ADGRL3: variants seen among roughly 807,000 people sequenced by gnomAD.
ADGRL3 encodes adhesion G protein-coupled receptor L3.
Under a neutral mutation model 153.5 loss-of-function variants are expected in ADGRL3, and 62 were observed. The observed-to-expected ratio is 0.40, with a 90% confidence interval of 0.33 to 0.50. The LOEUF (loss-of-function observed/expected upper bound fraction) is 0.50, where lower values mean the gene tolerates loss of function less well. ADGRL3 is among the 20% of genes least tolerant of loss of function. The pLI is 0.47. For missense variants in ADGRL3, 1,641 were observed against 1,859.4 expected (o/e 0.88, Z 2.16); for synonymous variants, 710 against 672.5 (o/e 1.06, Z -0.86).
At chr4:61,375,927 G>GT (rs1240020620) in intron 1 of ADGRL3, among the ~76,000 whole-genome samples, 3 of 151,960 alleles carry the variant, frequency 2.0e-5, no homozygotes, top group Non-Finnish European at 2.9e-5. Flanking sequence ...GAGAACACAT[G>GT]TTTTCTTTCC....
chr4:61,583,907 C>T (rs2098936015), intron 4 of ADGRL3, among the ~76,000 whole-genome samples: 1 of 151,978 alleles, frequency 6.6e-6, no homozygotes, highest in South Asian at 2.1e-4. Context: ...TTATGAGTCA[C>T]TCCACAATGC....
intron 1 of ADGRL3, among the ~76,000 whole-genome samples, chr4:61,210,860 C>T (rs370632149): frequency 2.6e-5 from 4 of 152,038 alleles, no homozygotes; most frequent in African/African-American, 7.2e-5. Context: ...TTTATATTGG[C>T]TTTAAATGTT....
chr4:61,443,373 G>A (rs2097547468), intron 2 of ADGRL3, among the ~76,000 whole-genome samples: 1 of 151,760 alleles, frequency 6.6e-6, no homozygotes, highest in Non-Finnish European at 1.5e-5. Flanking sequence ...GTCAATTAGA[G>A]GCATGTTCTT....
At chr4:62,020,311 T>C (rs1490943629) in intron 21 of ADGRL3, among the ~76,000 whole-genome samples, 1 of 152,082 alleles carries the variant, frequency 6.6e-6, no homozygotes, top group Non-Finnish European at 1.5e-5. Flanking sequence ...AAAAAAGAAA[T>C]CCTGAGAGTA....
At chr4:62,066,841 T>C (rs753254004) in intron 25 of ADGRL3, among the ~76,000 whole-genome samples, 6 of 152,046 alleles carry the variant, frequency 3.9e-5, no homozygotes, top group African/African-American at 7.2e-5. Flanking sequence ...GCAGACAGAA[T>C]TGGAAGAAGT....
chr4:61,683,475 C>A (rs1311074275), intron 6 of ADGRL3, among the ~76,000 whole-genome samples: 1 of 152,004 alleles, frequency 6.6e-6, no homozygotes, highest in Non-Finnish European at 1.5e-5. Context: ...GTTCCCGTAC[C>A]TGAAGATGAG....
rs76893645 is a variant in ADGRL3, at chr4:61,710,952, C to A, written c.584-19670C>A. On this transcript the variant is annotated intron_variant, in intron 6 of 26. Coordinates refer to ENST00000683033, the MANE Select transcript of ADGRL3 (RefSeq NM_001387552.1). The stretch of plus-strand genomic sequence containing the variant: ...TACTAACTTAATTTAACATTCCATC[C>A]AGCAGACATTATAGTTCTCAGCTGT... Among the ~76,000 whole-genome samples, 28 of 152,208 alleles carry A rather than the reference C, an allele frequency of 1.8e-4. No homozygotes were observed. In the East Asian group the frequency reaches 4.8e-3, roughly 26 times the overall value.
At chr4:61,723,127 C>A (rs1305329466) in intron 6 of ADGRL3, among the ~76,000 whole-genome samples, 1 of 152,066 alleles carries the variant, frequency 6.6e-6, no homozygotes, top group African/African-American at 2.4e-5. Context: ...CTTTCTCTGT[C>A]ATTCACTTCT....
chr4:61,675,665 T>TTATTTATTTATG (rs2095164848), intron 5 of ADGRL3, among the ~76,000 whole-genome samples: 1 of 150,760 alleles, frequency 6.6e-6, no homozygotes, highest in Non-Finnish European at 1.5e-5. Context: ...ATTTATTTAT[T>TTATTTATTTATG]TATTTATTTT....
chr4:61,701,417 C>T (rs1218521552), intron 6 of ADGRL3, among the ~76,000 whole-genome samples: 3 of 144,952 alleles, frequency 2.1e-5, no homozygotes, highest in Non-Finnish European at 4.5e-5. Context: ...ATCAGAAGCA[C>T]ATTAAAGGTA....
At chr4:61,684,622 G>C (rs926555445) in intron 6 of ADGRL3, among the ~76,000 whole-genome samples, 5 of 152,058 alleles carry the variant, frequency 3.3e-5, no homozygotes, top group Admixed American at 2.0e-4. Flanking sequence ...AGCCTGCCGA[G>C]GGGTTCCCTA....
In ADGRL3 at chr4:61,421,548, T is replaced by C. The variant is rs1018924640; in HGVS notation, c.-174+38359T>C. Among the ~76,000 whole-genome samples the C allele has an allele frequency of 1.3e-4, 20 of 152,208 alleles. 1 individual carries two copies. Among genetic ancestry groups the C allele is most frequent in the Admixed American group, 1.2e-3 (19 of 15,284 alleles). On this transcript the variant is annotated intron_variant, in intron 2 of 26. Transcript: ENST00000683033. The stretch of plus-strand genomic sequence containing the variant: ...ATTTATTTGGCCTGCTTATTTTTCT[T>C]ACATTTTATACAGAGAAATCAGGAA...
chr4:61,695,243 T>C (rs560666230), intron 6 of ADGRL3, among the ~76,000 whole-genome samples: 1 of 152,326 alleles, frequency 6.6e-6, no homozygotes, highest in East Asian at 1.9e-4. Context: ...ATCTATAGCT[T>C]TACAAAAATG....
intron 9 of ADGRL3, among the ~76,000 whole-genome samples, chr4:61,857,037 C>CT (rs1287673392): frequency 4.8e-5 from 7 of 147,100 alleles, no homozygotes; most frequent in Non-Finnish European, 1.0e-4. Flanking sequence ...TCCTTCCTTC[C>CT]TTCCCTTTCT....
chr4:61,964,484 G>A (rs1417416030), intron 17 of ADGRL3, among the ~76,000 whole-genome samples: 1 of 152,028 alleles, frequency 6.6e-6, no homozygotes, highest in Non-Finnish European at 1.5e-5. Context: ...CCAGTGCTTT[G>A]CCTTGGGTTT....
At chr4:61,387,036 T>C (rs1191066549) in intron 2 of ADGRL3, among the ~76,000 whole-genome samples, 2 of 152,178 alleles carry the variant, frequency 1.3e-5, no homozygotes, top group African/African-American at 4.8e-5. Flanking sequence ...TCTTTTCTAT[T>C]TTTCCTAAGC....
At chr4:61,596,964 T>C (rs546752834) in intron 5 of ADGRL3, among the ~76,000 whole-genome samples, 2 of 152,220 alleles carry the variant, frequency 1.3e-5, no homozygotes, top group African/African-American at 4.8e-5. Flanking sequence ...ATCGCTTGTG[T>C]AGAAAAAGAT....
At chr4:62,029,248 A>G (rs921674670) in intron 22 of ADGRL3, among the ~76,000 whole-genome samples, 1 of 151,734 alleles carries the variant, frequency 6.6e-6, no homozygotes, top group Non-Finnish European at 1.5e-5. Flanking sequence ...TCATTCATCT[A>G]AAATTATTGT....
intron 8 of ADGRL3, among the ~76,000 whole-genome samples, chr4:61,790,425 TA>T (rs2097328051): frequency 6.6e-6 from 1 of 152,194 alleles, no homozygotes. Flanking sequence ...TACCAAAGCT[TA>T]TATGCATGCT....
Sources: allele counts gnomAD v4.1 joint callset (sites outside exome capture counted in the v4.1 genomes callset), GRCh38; gene constraint gnomAD v4.1.1; transcripts MANE v1.5; gene names NCBI Gene and HGNC (gene_info 2026-07-23, HGNC 2026-07-21).